The following ZNF41 variants were observed in gnomAD, a reference collection of about 807,000 sequenced individuals.
The protein encoded by ZNF41 is zinc finger protein 41.
ZNF41 carries 6 observed loss-of-function variants against 9.3 expected under a neutral mutation model. That is an observed-to-expected ratio of 0.65 (90% CI 0.35 to 1.28). The LOEUF (loss-of-function observed/expected upper bound fraction) is 1.28, where lower values mean the gene tolerates loss of function less well. Ranked by LOEUF, ZNF41 falls within the 50% of genes most tolerant of loss-of-function variation. The pLI is 0.03. For missense variants in ZNF41, 523 were observed against 585.8 expected, an observed-to-expected ratio of 0.89 and a Z score of 1.11; for synonymous variants, 192 against 207.1, an observed-to-expected ratio of 0.93 and a Z score of 0.63.
chrX:47,460,611 A>G (rs2056750410), intron 2 of ZNF41, among the ~76,000 whole-genome samples: 1 of 112,291 alleles, frequency 8.9e-6, no homozygotes, highest in African/African-American at 3.2e-5. Context: ...CATTCATTTT[A>G]CAAAAGAGGA....
In ZNF41 at chrX:47,447,055, G is replaced by A. The variant is rs2056138397; in HGVS notation, c.*375C>T. The A allele has an allele frequency of 4.7e-6, 1 of 214,838 alleles. No homozygotes were observed. The highest frequency in any genetic ancestry group is 2.9e-5 in the African/African-American group (1 of 34,180). 17.7% of individuals were successfully genotyped at this position (214,838 alleles called of 1,213,427 possible). A position where few individuals can be genotyped will look rare whatever the true frequency, so the allele number is the denominator to read the frequency against. On this transcript the variant is annotated 3_prime_UTR_variant, in exon 5 of 5. Coordinates refer to ENST00000684689, the MANE Select transcript of ZNF41 (RefSeq NM_001324144.2). Reference sequence around the variant, plus strand: ...GTCCCAGGATATGCTGAACCAATCAGTACTGAATTTAAAAAGTTCTTTATC... The same window carrying A: ...GTCCCAGGATATGCTGAACCAATCAATACTGAATTTAAAAAGTTCTTTATC...
At chrX:47,472,164 A>G (rs2057209149) in intron 1 of ZNF41, among the ~76,000 whole-genome samples, 1 of 111,666 alleles carries the variant, frequency 9.0e-6, no homozygotes, top group African/African-American at 3.2e-5. Context: ...CTCAAGAGAA[A>G]TGCAAATATA....
At chrX:47,453,031 A>C (rs961398657) in intron 4 of ZNF41, among the ~76,000 whole-genome samples, 8 of 112,569 alleles carry the variant, frequency 7.1e-5, no homozygotes, top group Non-Finnish European at 1.5e-4. Context: ...TGATAAATAC[A>C]TACAATTCTT....
At chrX:47,456,994 A>G (rs1022748178) in intron 2 of ZNF41, among the ~76,000 whole-genome samples, 2 of 112,139 alleles carry the variant, frequency 1.8e-5, no homozygotes, top group Non-Finnish European at 3.8e-5. Context: ...ACTATGAGGA[A>G]AATCCAGTAG....
intron 2 of ZNF41, among the ~76,000 whole-genome samples, chrX:47,464,725 A>G (rs765467564): frequency 1.8e-5 from 2 of 111,512 alleles, no homozygotes; most frequent in Non-Finnish European, 3.8e-5. Flanking sequence ...GGAGGACCAC[A>G]TTGTCATGGC....
chrX:47,467,583 G>A lies in ZNF41; in HGVS notation c.-102C>T. ...TCTGTGGACTCAACCGGAGCTGCTG[G>A]GGCGAGGCAAGCAGGGGTCAGAAGG... On this transcript the variant is annotated 5_prime_UTR_variant, in exon 2 of 5. Coordinates refer to ENST00000684689, the MANE Select transcript of ZNF41 (RefSeq NM_001324144.2). 1 of 1,025,921 alleles carries A rather than the reference G, an allele frequency of 9.7e-7. No individual in the cohort carries two copies. The highest frequency in any genetic ancestry group is 1.3e-6 in the Non-Finnish European group (1 of 751,566). The allele number at this position is 1,025,921 out of a possible 1,213,427, so 84.5% of individuals were successfully genotyped here.
intron 4 of ZNF41, among the ~76,000 whole-genome samples, chrX:47,452,904 T>TA: frequency 8.9e-6 from 1 of 112,014 alleles, no homozygotes; most frequent in East Asian, 2.8e-4. Flanking sequence ...AAAGAATCTT[T>TA]ATGTTAACCA....
In ZNF41 at chrX:47,447,398, T is replaced by C; in HGVS notation, c.*32A>G. ...TCCCTGCTATTAGATACCTGATGCATACCCAGTTGTGATTTCCAGGTGAAG... is the reference window on the plus strand; with the variant it reads ...TCCCTGCTATTAGATACCTGATGCACACCCAGTTGTGATTTCCAGGTGAAG... On this transcript the variant is annotated 3_prime_UTR_variant, in exon 5 of 5. Transcript: ENST00000684689. 1 of 1,207,045 alleles carries C rather than the reference T, an allele frequency of 8.3e-7. No individual in the cohort carries two copies. The highest frequency in any genetic ancestry group is 3.0e-5 in the East Asian group (1 of 33,837).
At chrX:47,450,840 C>A (rs1035139547) in intron 4 of ZNF41, among the ~76,000 whole-genome samples, 4 of 111,494 alleles carry the variant, frequency 3.6e-5, no homozygotes, top group African/African-American at 1.3e-4. Context: ...CCAGGAGATG[C>A]CAGAGGAGTG....
At position 47,483,187 on chromosome X, in the gene ZNF41, C is replaced by T. The variant is rs1248388509; in HGVS notation, c.-372G>A. Among the ~76,000 whole-genome samples, 1 of 112,053 alleles carries T rather than the reference C, an allele frequency of 8.9e-6. No homozygotes were observed. The highest frequency in any genetic ancestry group is 3.2e-5 in the African/African-American group (1 of 30,835). ...GGCTGTCACCGAACCTGTGCAGTTG[C>T]CGCGGGGGGAGTCGTGCGTGTCAGA... On this transcript the variant is annotated 5_prime_UTR_variant, in exon 1 of 5. Coordinates refer to ENST00000684689, the MANE Select transcript of ZNF41 (RefSeq NM_001324144.2).
At position 47,473,217 on chromosome X, in the gene ZNF41, A is replaced by G. The variant is rs567920138; in HGVS notation, c.-279-5457T>C. ...AAACATGACTTCTTGAGAGCTAGTA[A>G]CATTTCTTCATCTAGGTGGTGGCTA... On this transcript the variant is annotated intron_variant, in intron 1 of 4. Coordinates refer to ENST00000684689, the MANE Select transcript of ZNF41 (RefSeq NM_001324144.2). Among the ~76,000 whole-genome samples the G allele has an allele frequency of 5.3e-4, 59 of 111,147 alleles. No individual in the cohort carries two copies. The South Asian group carries it at 0.012, about 22-fold the overall frequency.
intron 1 of ZNF41, among the ~76,000 whole-genome samples, chrX:47,477,307 CT>C (rs1428999731): frequency 1.8e-5 from 2 of 110,467 alleles, no homozygotes; most frequent in African/African-American, 6.6e-5. Flanking sequence ...CCACGCCCAG[CT>C]AGTTTTTGTA....
At chrX:47,464,793 G>A (rs2056929466) in intron 2 of ZNF41, among the ~76,000 whole-genome samples, 1 of 112,276 alleles carries the variant, frequency 8.9e-6, no homozygotes, top group African/African-American at 3.2e-5. Context: ...AGGTTGAAGT[G>A]TACTACTGTC....
chrX:47,455,911 G>C lies in ZNF41; in HGVS notation c.295+10C>G. ...CCATGTCCCCATCTGTCTGGGTCAT[G>C]CTCACTCACCTGAACAGCTCTGATG... is the stretch of plus-strand genomic sequence containing the variant. On this transcript the variant is annotated intron_variant, in intron 4 of 4. Coordinates refer to ENST00000684689, the MANE Select transcript of ZNF41 (RefSeq NM_001324144.2). The C allele has an allele frequency of 8.3e-7, 1 of 1,204,378 alleles. No individual in the cohort carries two copies. The highest frequency in any genetic ancestry group is 1.1e-6 in the Non-Finnish European group (1 of 888,793).
At position 47,467,427 on chromosome X, in the gene ZNF41, G is replaced by A. The variant is rs201825976; in HGVS notation, c.55C>T (p.Arg19Cys). Residue 19 changes from arginine (R) to cysteine (C), a missense_variant, in exon 2 of 5, where the codon CGT (arginine) becomes TGT (cysteine). Physicochemically the swap from Arg to Cys is radical, Grantham distance 180. Coordinates refer to ENST00000684689, the MANE Select transcript of ZNF41 (RefSeq NM_001324144.2). ...PWSPALAAEG[R>C]GSSCEASVSF... ...CTCCTCACCTCACATGAGCTGCCAC[G>A]TCCCTCTGCAGCCAGGGCCGGGGAC... The A allele has an allele frequency of 8.3e-5, 98 of 1,185,937 alleles. No individual in the cohort carries two copies. The East Asian group carries it at 2.6e-3, about 32-fold the overall frequency.
chrX:47,450,346 G>A (rs1244005962), intron 4 of ZNF41, among the ~76,000 whole-genome samples: 1 of 110,618 alleles, frequency 9.0e-6, no homozygotes, highest in African/African-American at 3.3e-5. Context: ...GAGTAGCTGG[G>A]ATTACAGGCA....
In ZNF41 at chrX:47,456,378, G is replaced by A. The variant is rs762906054; in HGVS notation, c.93C>T (p.Asp31=). 17 of 1,209,582 alleles carry A rather than the reference G, an allele frequency of 1.4e-5. No homozygotes were observed. In the South Asian group the frequency reaches 1.8e-4, roughly 13 times the overall value. ...CCTCCTTGCTGAAGTCCACAGTCACGTCCTCAAATGACACTGAAGCCTGTA... is the reference window on the plus strand; with the variant it reads ...CCTCCTTGCTGAAGTCCACAGTCACATCCTCAAATGACACTGAAGCCTGTA... ...SSCEASVSFE[D]VTVDFSKEEW... Residue 31 remains aspartate (D), a synonymous_variant, in exon 3 of 5, where the codon GAC becomes GAT. Transcript: ENST00000684689.
chrX:47,451,705 G>T (rs1043851586), intron 4 of ZNF41, among the ~76,000 whole-genome samples: 1 of 112,458 alleles, frequency 8.9e-6, no homozygotes, highest in Admixed American at 9.4e-5. Flanking sequence ...GCAAAACCCT[G>T]TCTCTACTAA....
Position 47,449,240 on chromosome X carries a change from T to C in ZNF41, c.530A>G (p.His177Arg), listed in dbSNP as rs1264283332. 1.7e-6 allele frequency: 2 copies of C among 1,211,351 alleles called. No homozygotes were observed. The highest frequency in any genetic ancestry group is 3.5e-5 in the South Asian group (2 of 56,910). The change falls in exon 5 of 5, where the codon CAT becomes CGT. Residue 177 changes from histidine to arginine, a missense_variant. Coordinates refer to ENST00000684689, the MANE Select transcript of ZNF41 (RefSeq NM_001324144.2). ...TGAAGGAACAAGCTTGGTAGTCACA[T>C]GAATTATTTTTTCAATGTTTTTATG... The part of the protein sequence containing the change: ...YEHKNIEKII[H>R]VTTKLVPSIK...
Sources: gnomAD v4.1 joint callset for allele counts (sites outside exome capture counted in the v4.1 genomes callset) on GRCh38, gnomAD v4.1.1 for gene constraint, MANE v1.5 for transcripts, NCBI Gene and HGNC (gene_info 2026-07-23, HGNC 2026-07-21) for gene names.